DMD: variants seen among roughly 807,000 people sequenced by gnomAD.
The protein encoded by DMD is mutant dystrophin.
A neutral mutation model predicts 330.1 loss-of-function variants in DMD; 63 were observed. The observed-to-expected ratio is 0.19, with a 90% CI of 0.16 to 0.24. DMD has a LOEUF of 0.24. Ranked by LOEUF, DMD falls within the 10% of genes least tolerant of loss-of-function variation. DMD has a pLI of 1.00. For synonymous variants in DMD, 1,223 were observed against 959.8 expected, an observed-to-expected ratio of 1.27 and a Z score of -5.07; for missense variants, 3,344 against 2,684.1, an observed-to-expected ratio of 1.25 and a Z score of -5.43.
chrX:33,026,344 A>AAAAAG (rs2094003214), intron 1 of DMD, among the ~76,000 whole-genome samples: 1 of 98,842 alleles, frequency 1.0e-5, no homozygotes, highest in African/African-American at 3.8e-5. Flanking sequence ...AAAAAAAAAA[A>AAAAAG]AAAGAAAGAA....
rs906303994 is a variant in DMD, at chrX:32,972,421, C to G, written c.93+47718G>C. ...CCTCAAACTCCTGAGCTCAAGTGAT[C>G]TGCCCACCTTGGCCTCCTAAAGTGC... On this transcript the variant is annotated intron_variant, in intron 2 of 78. Coordinates refer to ENST00000357033, the MANE Select transcript of DMD (RefSeq NM_004006.3). 1.3e-4 allele frequency among the ~76,000 whole-genome samples: 15 copies of G among 111,341 alleles called. No individual in the cohort carries two copies. In the East Asian group the frequency reaches 1.7e-3, roughly 13 times the overall value.
chrX:32,498,877 A>C (rs2043765118), intron 19 of DMD, among the ~76,000 whole-genome samples: 1 of 111,629 alleles, frequency 9.0e-6, no homozygotes. Flanking sequence ...CATTGTAACC[A>C]TGGTAAATTT....
At chrX:33,020,654 A>T (rs1335421564) in intron 1 of DMD, among the ~76,000 whole-genome samples, 1 of 111,821 alleles carries the variant, frequency 8.9e-6, no homozygotes, top group Admixed American at 9.5e-5. Flanking sequence ...AGCGTGGGCG[A>T]CAGAGCAAGA....
intron 1 of DMD, chrX:33,129,032 AATTTGT>A (rs1213972586): frequency 8.9e-6 from 1 of 112,217 alleles, no homozygotes; most frequent in Non-Finnish European, 1.9e-5. Context: ...AACTTACTCA[AATTTGT>A]ATTTGAAGTT....
intron 1 of DMD, among the ~76,000 whole-genome samples, chrX:33,119,992 C>T (rs752221240): frequency 8.9e-6 from 1 of 111,834 alleles, no homozygotes; most frequent in Non-Finnish European, 1.9e-5. Flanking sequence ...CGATCCACCT[C>T]CTGTTCACTT....
At chrX:31,683,418 T>C (rs2082494203) in intron 52 of DMD, among the ~76,000 whole-genome samples, 1 of 112,307 alleles carries the variant, frequency 8.9e-6, no homozygotes, top group South Asian at 3.7e-4. Context: ...GATAATGAGT[T>C]CAGTTTTGGA....
intron 62 of DMD, among the ~76,000 whole-genome samples, chrX:31,284,557 T>TTTCTTTCTTCTTCTTCTTCTTCTTC (rs2052893705): frequency 1.3e-5 from 1 of 78,066 alleles, no homozygotes; most frequent in African/African-American, 5.2e-5. Context: ...TAACGAACTG[T>TTTCTTTCTTCTTCTTCTTCTTCTTC]TTCTTCTTCT....
chrX:32,554,493 A>G (rs1569188346), intron 16 of DMD, among the ~76,000 whole-genome samples: 1 of 111,066 alleles, frequency 9.0e-6, no homozygotes, highest in East Asian at 2.9e-4. Flanking sequence ...AAACACCTCT[A>G]TGCACATAAA....
chrX:31,355,067 C>A, intron 60 of DMD, among the ~76,000 whole-genome samples: 1 of 111,646 alleles, frequency 9.0e-6, no homozygotes, highest in African/African-American at 3.3e-5. Flanking sequence ...TTCAACATTG[C>A]TTTTAAATAA....
chrX:32,981,491 C>T (rs4639663), intron 2 of DMD, among the ~76,000 whole-genome samples: 31,042 of 110,849 alleles, frequency 0.28, 5,500 homozygotes, highest in African/African-American at 0.66. Flanking sequence ...CTCTCTAGCA[C>T]TGGATTTCCA....
At chrX:32,035,595 A>C (rs748263207) in intron 44 of DMD, 6 of 299,456 alleles carry the variant, frequency 2.0e-5, no homozygotes, top group Non-Finnish European at 3.8e-5. Context: ...AAAAAACAGA[A>C]AGAAATACAC....
chrX:33,003,159 G>C (rs1028536868), intron 2 of DMD, among the ~76,000 whole-genome samples: 1 of 110,185 alleles, frequency 9.1e-6, no homozygotes, highest in African/African-American at 3.3e-5. Flanking sequence ...CCTTCCCCCT[G>C]CTCTGAGTCC....
intron 4 of DMD, among the ~76,000 whole-genome samples, chrX:32,828,207 G>T (rs989901488): frequency 9.0e-6 from 1 of 111,270 alleles, no homozygotes; most frequent in Non-Finnish European, 1.9e-5. Context: ...TGTCTTTATC[G>T]TAGAACAATT....
rs184318022 is a variant in DMD at position 32,838,840 on chromosome X, G to C, written c.264+5943C>G. ...ACACTGTTGGTGGGAATGTAAATTAGTTCAACCATTGTGGAAGACAGTGTG... is the reference window on the plus strand; with the variant it reads ...ACACTGTTGGTGGGAATGTAAATTACTTCAACCATTGTGGAAGACAGTGTG... On this transcript the variant is annotated intron_variant, in intron 4 of 78. Coordinates refer to ENST00000357033, the MANE Select transcript of DMD (RefSeq NM_004006.3). Among the ~76,000 whole-genome samples, 452 of 111,980 alleles carry C rather than the reference G, an allele frequency of 4.0e-3. 2 individuals are homozygous for C. The highest frequency in any genetic ancestry group is 5.2e-3 in the African/African-American group (160 of 30,856).
chrX:31,464,033 T>C (rs920481017), intron 59 of DMD, among the ~76,000 whole-genome samples: 2 of 111,475 alleles, frequency 1.8e-5, no homozygotes, highest in Non-Finnish European at 3.8e-5. Flanking sequence ...ATAGTATTTC[T>C]AGTTATTACC....
Position 33,230,955 on chromosome X carries a change from G to A in DMD, c.7+108304C>T, listed in dbSNP as rs751110381. Among the ~76,000 whole-genome samples, 8 of 99,329 alleles carry A rather than the reference G, an allele frequency of 8.1e-5. No homozygotes were observed. In the South Asian group the frequency reaches 2.8e-3, roughly 34 times the overall value. The allele number at this position is 99,329 out of a possible 115,157, so 86.3% of individuals were successfully genotyped here. On this transcript the variant is annotated intron_variant, in intron 1 of 17. Transcript: ENST00000288447. Reference sequence around the variant, plus strand: ...TATGTGCTATGTTAGGAACATAATAGCCAAAAAAAAAAAAAAATAAATAAC... The same window carrying A: ...TATGTGCTATGTTAGGAACATAATAACCAAAAAAAAAAAAAAATAAATAAC...
intron 30 of DMD, among the ~76,000 whole-genome samples, chrX:32,410,493 A>G (rs2098137212): frequency 8.9e-6 from 1 of 111,779 alleles, no homozygotes; most frequent in Non-Finnish European, 1.9e-5. Flanking sequence ...CATTAACTGT[A>G]ATTGCATTGT....
At chrX:31,695,468 G>A (rs1312971156) in intron 52 of DMD, among the ~76,000 whole-genome samples, 1 of 110,226 alleles carries the variant, frequency 9.1e-6, no homozygotes, top group Non-Finnish European at 1.9e-5. Flanking sequence ...TGACAGGATG[G>A]ATGCCTCATT....
At chrX:31,233,406 CCT>C (rs1384313278) in intron 63 of DMD, among the ~76,000 whole-genome samples, 2 of 111,832 alleles carry the variant, frequency 1.8e-5, no homozygotes, top group Non-Finnish European at 3.8e-5. Flanking sequence ...ATTAAATTTT[CCT>C]CTTTGTTATA....
Sources: allele counts gnomAD v4.1 joint callset (sites outside exome capture counted in the v4.1 genomes callset), GRCh38; gene constraint gnomAD v4.1.1; transcripts MANE v1.5; gene names NCBI Gene and HGNC (gene_info 2026-07-23, HGNC 2026-07-21).